Variants in TLK1 observed in about 807,000 individuals in gnomAD.
The protein encoded by TLK1 is tousled like kinase 1, also known as serine/threonine-protein kinase tousled-like 1.
A neutral mutation model predicts 105.3 loss-of-function variants in TLK1; 24 were observed. The observed-to-expected ratio is 0.23, with a 90% CI of 0.17 to 0.32. The LOEUF (loss-of-function observed/expected upper bound fraction) is 0.32. TLK1 is among the 10% of genes least tolerant of loss of function. TLK1 has a pLI of 1.00. For synonymous variants in TLK1, 321 were observed against 310.4 expected (o/e 1.03, Z -0.36); for missense variants, 558 against 910.5 (o/e 0.61, Z 4.98).
At chr2:171,205,313 T>A (rs868081996) in intron 1 of TLK1, among the ~76,000 whole-genome samples, 1 of 144,078 alleles carries the variant, frequency 6.9e-6, no homozygotes, top group Non-Finnish European at 1.5e-5. Context: ...ACTTATTGAT[T>A]CTAAGACAGC....
chr2:171,193,592 G>A (rs1401464362), intron 1 of TLK1, among the ~76,000 whole-genome samples: 2 of 151,312 alleles, frequency 1.3e-5, no homozygotes, highest in African/African-American at 2.4e-5. Flanking sequence ...TAGTAGAGAC[G>A]GGGTTTCACC....
intron 10 of TLK1, among the ~76,000 whole-genome samples, chr2:171,049,399 C>G (rs1345069485): frequency 1.3e-5 from 2 of 151,994 alleles, no homozygotes; most frequent in African/African-American, 2.4e-5. Flanking sequence ...AGTTTTTTCC[C>G]TTAGGAATAG....
At chr2:171,211,124 T>G (rs1693604838) in intron 1 of TLK1, among the ~76,000 whole-genome samples, 1 of 152,210 alleles carries the variant, frequency 6.6e-6, no homozygotes, top group African/African-American at 2.4e-5. Context: ...TCTTAGATAC[T>G]AAAAAGCACT....
intron 14 of TLK1, among the ~76,000 whole-genome samples, chr2:171,009,448 C>T (rs1255812188): frequency 6.6e-6 from 1 of 151,918 alleles, no homozygotes; most frequent in Non-Finnish European, 1.5e-5. Flanking sequence ...GAACTACAGG[C>T]ATGTGCCATC....
intron 2 of TLK1, among the ~76,000 whole-genome samples, chr2:171,095,590 C>T (rs1368188192): frequency 6.6e-6 from 1 of 152,122 alleles, no homozygotes; most frequent in African/African-American, 2.4e-5. Context: ...CAACAAAACA[C>T]TAGCAAACCA....
chr2:171,050,331 A>T (rs1687177049), intron 8 of TLK1, among the ~76,000 whole-genome samples, 157 bp from the exon 9 acceptor site: 2 of 151,748 alleles, frequency 1.3e-5, no homozygotes, highest in African/African-American at 2.4e-5. Context: ...CTTAACCATG[A>T]GATAATACTG....
At chr2:171,145,713 TGTA>T (rs1276686286) in intron 1 of TLK1, among the ~76,000 whole-genome samples, 1 of 152,176 alleles carries the variant, frequency 6.6e-6, no homozygotes, top group East Asian at 1.9e-4. Context: ...AAGTATAAAA[TGTA>T]GTACATTCAC....
intron 2 of TLK1, among the ~76,000 whole-genome samples, chr2:171,103,300 A>C (rs1478304112): frequency 6.7e-6 from 1 of 149,326 alleles, no homozygotes; most frequent in East Asian, 1.9e-4. Flanking sequence ...TTGAGACATA[A>C]GTCACACTCT....
intron 1 of TLK1, 78 bp from the exon 2 acceptor site, chr2:171,117,935 G>T: frequency 1.0e-6 from 1 of 977,166 alleles, no homozygotes; most frequent in Non-Finnish European, 1.4e-6. Context: ...ATATATATAT[G>T]TGATTAGTTA....
chr2:171,097,935 G>A (rs1689518392), intron 2 of TLK1, among the ~76,000 whole-genome samples: 1 of 151,328 alleles, frequency 6.6e-6, no homozygotes, highest in African/African-American at 2.4e-5. Flanking sequence ...GAAAGGAAAG[G>A]AAGGGAAAGG....
chr2:171,128,260 T>C (rs893171382), intron 1 of TLK1, among the ~76,000 whole-genome samples: 4 of 152,176 alleles, frequency 2.6e-5, no homozygotes, highest in Non-Finnish European at 5.9e-5. Flanking sequence ...AAATTTCAAT[T>C]TTATTCTTAC....
intron 12 of TLK1, among the ~76,000 whole-genome samples, chr2:171,026,828 T>C (rs562238055): frequency 6.6e-6 from 1 of 152,260 alleles, no homozygotes; most frequent in Admixed American, 6.5e-5. Flanking sequence ...ATAGAACTAT[T>C]ATGATAGTTA....
chr2:171,202,120 T>A (rs1450028274), intron 1 of TLK1, among the ~76,000 whole-genome samples: 2 of 152,208 alleles, frequency 1.3e-5, no homozygotes, highest in East Asian at 3.8e-4. Flanking sequence ...CAAGTTAAAT[T>A]TGAATTTCAG....
At chr2:171,206,719 G>C (rs1397869078) in intron 1 of TLK1, among the ~76,000 whole-genome samples, 2 of 152,200 alleles carry the variant, frequency 1.3e-5, no homozygotes, top group Admixed American at 6.5e-5. Flanking sequence ...AAGTCCCCTT[G>C]ACGTGAGGAA....
chr2:171,104,909 T>C (rs1469842523), intron 2 of TLK1, among the ~76,000 whole-genome samples: 2 of 152,216 alleles, frequency 1.3e-5, no homozygotes, highest in African/African-American at 2.4e-5. Flanking sequence ...GGCCAACTAA[T>C]CTTCGACAAA....
chr2:171,218,494 G>C (rs1693754646), intron 1 of TLK1, among the ~76,000 whole-genome samples: 1 of 152,180 alleles, frequency 6.6e-6, no homozygotes, highest in South Asian at 2.1e-4. Context: ...CACTTAAAAA[G>C]TTGGTGTCTT....
chr2:171,209,277 A>G (rs1470109209), intron 1 of TLK1, among the ~76,000 whole-genome samples: 1 of 152,232 alleles, frequency 6.6e-6, no homozygotes, highest in Non-Finnish European at 1.5e-5. Flanking sequence ...CAGGGGTGGG[A>G]TGGAAGTATT....
intron 18 of TLK1, among the ~76,000 whole-genome samples, chr2:170,999,221 CTATT>C (rs1684235790): frequency 6.6e-6 from 1 of 152,176 alleles, no homozygotes; most frequent in Non-Finnish European, 1.5e-5. Flanking sequence ...TGGGAATTTA[CTATT>C]TTTTTTAAAA....
At chr2:171,066,195 T>C (rs1032607568) in intron 3 of TLK1, among the ~76,000 whole-genome samples, 2 of 152,232 alleles carry the variant, frequency 1.3e-5, no homozygotes, top group African/African-American at 4.8e-5. Flanking sequence ...AGAAGATCTC[T>C]ACTATAATGC....
Sources: gnomAD v4.1 joint callset for allele counts (sites outside exome capture counted in the v4.1 genomes callset) on GRCh38, gnomAD v4.1.1 for gene constraint, MANE v1.5 for transcripts, NCBI Gene and HGNC (gene_info 2026-07-23, HGNC 2026-07-21) for gene names.